Variants in HHAT observed in about 807,000 individuals in gnomAD.
The protein encoded by HHAT is hedgehog acyltransferase.
In HHAT, 47 loss-of-function variants were observed where a neutral mutation model predicts 70.8. The ratio of observed to expected loss-of-function variants is 0.66; its 90% confidence interval spans 0.53 to 0.85. The LOEUF (loss-of-function observed/expected upper bound fraction) is 0.85, where lower values mean the gene tolerates loss of function less well. Ranked by LOEUF, HHAT falls within the 40% of genes least tolerant of loss-of-function variation. The probability of loss-of-function intolerance (pLI) is 0.00; values close to 1 mark genes in which losing one functional copy is unlikely to be tolerated. For missense variants in HHAT, 609 were observed against 604.8 expected (o/e 1.01, Z -0.07); for synonymous variants, 228 against 247.6 (o/e 0.92, Z 0.74).
intron 3 of HHAT, among the ~76,000 whole-genome samples, chr1:210,379,834 A>C (rs977447067): frequency 5.3e-5 from 8 of 152,166 alleles, no homozygotes; most frequent in Admixed American, 5.2e-4. Context: ...ATAAATATGA[A>C]ATGGGTCCTC....
intron 7 of HHAT, among the ~76,000 whole-genome samples, chr1:210,428,326 AT>A (rs2093137053): frequency 3.1e-5 from 2 of 64,116 alleles, no homozygotes; most frequent in Non-Finnish European, 6.7e-5. Flanking sequence ...ATATATATAT[AT>A]ATATATATAT....
chr1:210,661,986 A>T (rs992195589), intron 11 of HHAT, among the ~76,000 whole-genome samples: 8 of 151,094 alleles, frequency 5.3e-5, no homozygotes, highest in South Asian at 2.1e-4. Flanking sequence ...AGTATAATTT[A>T]AAAAAATTTA....
chr1:210,606,659 T>G (rs1242600832), intron 10 of HHAT, among the ~76,000 whole-genome samples: 2 of 152,188 alleles, frequency 1.3e-5, no homozygotes, highest in Non-Finnish European at 2.9e-5. Context: ...GGGTCTTGTT[T>G]TTTCTTTTTC....
chr1:210,411,989 G>T (rs1034110211), intron 6 of HHAT, among the ~76,000 whole-genome samples: 4 of 152,182 alleles, frequency 2.6e-5, no homozygotes, highest in Non-Finnish European at 5.9e-5. Flanking sequence ...TCTAGAGGCT[G>T]GGAAGTCCAA....
At chr1:210,405,238 G>A (rs116122386) in intron 6 of HHAT, among the ~76,000 whole-genome samples, 2,380 of 151,946 alleles carry the variant, frequency 0.016, 56 homozygotes, top group African/African-American at 0.046. Flanking sequence ...CCAGGCCCCC[G>A]CCTGCCTTCC....
chr1:210,599,856 T>C (rs993696826), intron 10 of HHAT, among the ~76,000 whole-genome samples: 1 of 152,154 alleles, frequency 6.6e-6, no homozygotes, highest in Non-Finnish European at 1.5e-5. Flanking sequence ...ACATTTAAGA[T>C]GACCTATGAC....
intron 10 of HHAT, among the ~76,000 whole-genome samples, chr1:210,608,604 T>A (rs904101770): frequency 6.6e-5 from 10 of 152,204 alleles, no homozygotes; most frequent in Admixed American, 5.9e-4. Flanking sequence ...TTGGTATTAT[T>A]ATTGGAATTT....
intron 11 of HHAT, among the ~76,000 whole-genome samples, chr1:210,637,020 T>C (rs1260176943): frequency 6.6e-6 from 1 of 152,174 alleles, no homozygotes; most frequent in East Asian, 1.9e-4. Flanking sequence ...AATTCCCACC[T>C]GTAAATTGAG....
intron 9 of HHAT, among the ~76,000 whole-genome samples, chr1:210,514,083 G>T (rs748343490): frequency 6.6e-6 from 1 of 152,146 alleles, no homozygotes; most frequent in African/African-American, 2.4e-5. Flanking sequence ...TCTCCCTATT[G>T]GTAAGATGCT....
intron 11 of HHAT, among the ~76,000 whole-genome samples, chr1:210,660,619 C>G (rs1418044891): frequency 1.3e-5 from 2 of 152,064 alleles, no homozygotes; most frequent in Non-Finnish European, 2.9e-5. Context: ...CAATCCTAAG[C>G]CAAAAGAACA....
At chr1:210,445,275 G>C (rs2093612633) in intron 7 of HHAT, among the ~76,000 whole-genome samples, 1 of 152,134 alleles carries the variant, frequency 6.6e-6, no homozygotes, top group African/African-American at 2.4e-5. Context: ...ATTTTGTCCA[G>C]ATAATCTACA....
chr1:210,530,952 A>G (rs1488880282), intron 9 of HHAT, among the ~76,000 whole-genome samples: 3 of 152,230 alleles, frequency 2.0e-5, no homozygotes, highest in East Asian at 3.8e-4. Flanking sequence ...AATTAGTCAT[A>G]TCAATTAACA....
intron 9 of HHAT, among the ~76,000 whole-genome samples, chr1:210,556,668 G>A (rs2095575837): frequency 6.6e-6 from 1 of 152,210 alleles, no homozygotes; most frequent in Non-Finnish European, 1.5e-5. Flanking sequence ...TTGATTGATT[G>A]CAGTTTGGCA....
chr1:210,456,146 G>A (rs566164315), intron 7 of HHAT, among the ~76,000 whole-genome samples: 8 of 152,242 alleles, frequency 5.3e-5, no homozygotes, highest in Non-Finnish European at 7.4e-5. Context: ...GTGCCTTCAC[G>A]CAGAAAGGAA....
At chr1:210,674,214 G>A (rs1680761859) in intron 11 of HHAT, 74 bp from the exon 12 acceptor site, 1 of 1,267,406 alleles carries the variant, frequency 7.9e-7, no homozygotes, top group Non-Finnish European at 1.1e-6. Flanking sequence ...TCCAAAAGGG[G>A]ACAGTTTGCC....
At chr1:210,333,448 A>G (rs1029993436) in intron 1 of HHAT, among the ~76,000 whole-genome samples, 2 of 151,716 alleles carry the variant, frequency 1.3e-5, no homozygotes, top group African/African-American at 4.8e-5. Flanking sequence ...TAAAATGAAA[A>G]AACTAAAAAA....
At chr1:210,391,640 A>C (rs1396147856) in intron 4 of HHAT, among the ~76,000 whole-genome samples, 3 of 152,228 alleles carry the variant, frequency 2.0e-5, no homozygotes, top group Non-Finnish European at 2.9e-5. Context: ...AAACATGAAA[A>C]AATGTTAAAT....
At chr1:210,350,012 A>G (rs2147975944) in intron 2 of HHAT, among the ~76,000 whole-genome samples, 1 of 152,332 alleles carries the variant, frequency 6.6e-6, no homozygotes, top group East Asian at 1.9e-4. Flanking sequence ...AAAATAAAGT[A>G]TATTGAAAAT....
At chr1:210,558,358 C>T (rs1281857780) in intron 9 of HHAT, among the ~76,000 whole-genome samples, 1 of 152,182 alleles carries the variant, frequency 6.6e-6, no homozygotes, top group Non-Finnish European at 1.5e-5. Context: ...GTAGAGTTCT[C>T]CTACCTGGCT....
Sources: gnomAD v4.1 joint callset for allele counts (sites outside exome capture counted in the v4.1 genomes callset) on GRCh38, gnomAD v4.1.1 for gene constraint, MANE v1.5 for transcripts, NCBI Gene and HGNC (gene_info 2026-07-23, HGNC 2026-07-21) for gene names.